The following IRAG1 variants were observed in gnomAD, a reference collection of about 807,000 sequenced individuals.
IRAG1 encodes IP3R-associated cGMP kinase substrate.
A neutral mutation model predicts 106.2 loss-of-function variants in IRAG1; 62 were observed. That is an observed-to-expected ratio of 0.58 (90% CI 0.48 to 0.72). IRAG1 has a LOEUF of 0.72. Among genes scored for constraint, IRAG1 ranks in the 30% least tolerant of loss-of-function variants. IRAG1 has a pLI of 0.00. For synonymous variants in IRAG1, 462 were observed against 443.9 expected (o/e 1.04, Z -0.51); for missense variants, 1,064 against 1,140.7 (o/e 0.93, Z 0.97).
chr11:10,593,263 G>A (rs1852882859), intron 17 of IRAG1: 1 of 368,122 alleles, frequency 2.7e-6, no homozygotes, highest in East Asian at 5.1e-5. Flanking sequence ...TGCAAAGAAC[G>A]CTGAGCTGCC....
chr11:10,691,088 G>C (rs1176972962), intron 1 of IRAG1, among the ~76,000 whole-genome samples: 3 of 152,164 alleles, frequency 2.0e-5, no homozygotes, highest in Non-Finnish European at 4.4e-5. Context: ...GAGGAGGCAG[G>C]GTGAGAGAGG....
intron 10 of IRAG1, among the ~76,000 whole-genome samples, chr11:10,622,707 G>A (rs747992210): frequency 1.4e-4 from 22 of 151,942 alleles, no homozygotes; most frequent in Admixed American, 4.6e-4. Flanking sequence ...GCTTCGTCAT[G>A]CTGCCCAGAC....
Position 10,629,519 on chromosome 11 carries a change from G to A in IRAG1, c.574+19C>T, listed in dbSNP as rs552512709. On this transcript the variant is annotated intron_variant, in intron 5 of 20. Coordinates refer to ENST00000423302, the MANE Select transcript of IRAG1 (RefSeq NM_130385.4). ...CTAGAGGGGCTCAGGGCAGCCACCTGTACATCCTGCCACCCTACCTGATGG... is the reference window on the plus strand; with the variant it reads ...CTAGAGGGGCTCAGGGCAGCCACCTATACATCCTGCCACCCTACCTGATGG... 146 of 1,608,316 alleles carry A rather than the reference G, an allele frequency of 9.1e-5. 3 individuals carry two copies. The South Asian group carries it at 1.4e-3, about 16-fold the overall frequency.
chr11:10,622,251 C>G (rs145310898), intron 10 of IRAG1, among the ~76,000 whole-genome samples: 2 of 152,076 alleles, frequency 1.3e-5, no homozygotes, highest in Non-Finnish European at 2.9e-5. Flanking sequence ...GAACAGGTAC[C>G]ATATGACTCA....
Position 10,609,852 on chromosome 11 carries a change from C to G in IRAG1, c.1448-1G>C. The G allele has an allele frequency of 6.2e-7, 1 of 1,607,924 alleles. No homozygotes were observed. The highest frequency in any genetic ancestry group is 2.2e-5 in the East Asian group (1 of 44,840). ...GCTGGGGAGAGTTCAGAAGGAAGCCCTGAAAAAAAAGTGCTTACTTATAAA... is the reference window on the plus strand; with the variant it reads ...GCTGGGGAGAGTTCAGAAGGAAGCCGTGAAAAAAAAGTGCTTACTTATAAA... On this transcript the variant is annotated splice_acceptor_variant, in intron 10 of 20. Coordinates refer to ENST00000423302, the MANE Select transcript of IRAG1 (RefSeq NM_130385.4). LOFTEE classifies it high-confidence loss of function.
intron 10 of IRAG1, among the ~76,000 whole-genome samples, chr11:10,622,875 G>GAACACACACACACACACACACA (rs1855938907): frequency 2.4e-5 from 1 of 42,020 alleles, no homozygotes; most frequent in Non-Finnish European, 4.9e-5. Context: ...TGTAAGCAGT[G>GAACACACACACACACACACACA]GACACACACA....
At chr11:10,658,350 T>A (rs1859098002) in intron 1 of IRAG1, 1 of 152,340 alleles carries the variant, frequency 6.6e-6, no homozygotes, top group Non-Finnish European at 1.5e-5. Flanking sequence ...TGGCCTCAGT[T>A]CCCTCATTTG....
At chr11:10,652,923 T>G (rs1240612400) in intron 1 of IRAG1, among the ~76,000 whole-genome samples, 1 of 152,150 alleles carries the variant, frequency 6.6e-6, no homozygotes, top group African/African-American at 2.4e-5. Flanking sequence ...CCATGTGCCC[T>G]GTGCCCACCC....
chr11:10,593,755 A>G, intron 16 of IRAG1, 156 bp from the exon 17 acceptor site: 1 of 626,336 alleles, frequency 1.6e-6, no homozygotes, highest in Non-Finnish European at 2.8e-6. Context: ...GTGTGGAGAG[A>G]GTGGCCAAAG....
At chr11:10,592,279 A>G (rs1448442584) in intron 17 of IRAG1, among the ~76,000 whole-genome samples, 6 of 152,200 alleles carry the variant, frequency 3.9e-5, no homozygotes. Context: ...TTTTTAATCT[A>G]TGGCCCTGAT....
chr11:10,579,020 A>C (rs57197678), intron 20 of IRAG1, among the ~76,000 whole-genome samples: 5,473 of 152,300 alleles, frequency 0.036, 151 homozygotes, highest in African/African-American at 0.074. Context: ...TCAGCAGAGA[A>C]CCCTCAGGAG....
Position 10,693,688 on chromosome 11 carries a change from G to C in IRAG1, c.-86C>G, listed in dbSNP as rs992429353. Reference sequence around the variant, plus strand: ...CCTCGGCCGCACGCCTCCTCTGAGAGGGGCTGGGACTTAGAGCCGAGAGCT... The same window carrying C: ...CCTCGGCCGCACGCCTCCTCTGAGACGGGCTGGGACTTAGAGCCGAGAGCT... On this transcript the variant is annotated 5_prime_UTR_variant, in exon 1 of 21. Coordinates refer to ENST00000423302, the MANE Select transcript of IRAG1 (RefSeq NM_130385.4). 1 of 1,460,472 alleles carries C rather than the reference G, an allele frequency of 6.8e-7. No homozygotes were observed. The allele number at this position is 1,460,472 out of a possible 1,614,324, so 90.5% of individuals were successfully genotyped here. A position where few individuals can be genotyped will look rare whatever the true frequency, so the allele number is the denominator to read the frequency against.
chr11:10,627,670 GC>G (rs778777525), intron 8 of IRAG1, 45 bp downstream of exon 8: 11 of 1,608,606 alleles, frequency 6.8e-6, no homozygotes, highest in Admixed American at 1.7e-5. Flanking sequence ...AGGAGACTGT[GC>G]CCCCCACACT....
At chr11:10,608,165 G>A (rs1300943314) in intron 11 of IRAG1, among the ~76,000 whole-genome samples, 2 of 152,032 alleles carry the variant, frequency 1.3e-5, no homozygotes, top group Non-Finnish European at 2.9e-5. Context: ...GCCCAGGCTG[G>A]AGTGCAGTGG....
intron 14 of IRAG1, 118 bp downstream of exon 14, chr11:10,603,002 T>C: frequency 8.6e-7 from 1 of 1,156,518 alleles, no homozygotes; most frequent in East Asian, 2.6e-5. Context: ...GTGCATAGGA[T>C]GCCTGGCCCA....
At position 10,627,746 on chromosome 11, in the gene IRAG1, G is replaced by T. The variant is rs35296427; in HGVS notation, c.720C>A (p.Ala240=). The part of the protein sequence containing the change: ...PGAPPQKGDE[A]DVSSPHPGEP... ...CGCCAGGGTGAGGTGAAGAGACGTC[G>T]GCCTCATCCCCCTTCTGCTGGAGAA... Residue 240 remains alanine (A), a synonymous_variant, in exon 8 of 21, where the codon GCC becomes GCA. Coordinates refer to ENST00000423302, the MANE Select transcript of IRAG1 (RefSeq NM_130385.4). 6.2e-7 allele frequency: 1 copy of T among 1,613,890 alleles called. No individual in the cohort carries two copies. The highest frequency in any genetic ancestry group is 8.5e-7 in the Non-Finnish European group (1 of 1,179,878).
chr11:10,632,046 G>A lies in IRAG1; in HGVS notation c.345C>T (p.His115=). The A allele has an allele frequency of 1.2e-6, 2 of 1,613,736 alleles. No individual in the cohort carries two copies. The highest frequency in any genetic ancestry group is 1.7e-6 in the Non-Finnish European group (2 of 1,179,696). The part of the protein sequence containing the change: ...KNLANRVHSP[H]KRLSHRHLKV... ...TCAAGTGTCGGTGAGAAAGCCTCTT[G>A]TGGGGACTGTGAACTCTGAAAGACA... is the stretch of plus-strand genomic sequence containing the variant. The change falls in exon 4 of 21, where the codon CAC becomes CAT. Residue 115 remains histidine, a synonymous_variant. Coordinates refer to ENST00000423302, the MANE Select transcript of IRAG1 (RefSeq NM_130385.4).
At chr11:10,645,190 C>CG (rs1857847318) in intron 2 of IRAG1, among the ~76,000 whole-genome samples, 1 of 152,134 alleles carries the variant, frequency 6.6e-6, no homozygotes, top group Non-Finnish European at 1.5e-5. Context: ...TCCTCGATTC[C>CG]ATATTTATTG....
chr11:10,658,769 C>A (rs1395683461), intron 1 of IRAG1, among the ~76,000 whole-genome samples: 1 of 125,502 alleles, frequency 8.0e-6, no homozygotes, highest in Non-Finnish European at 1.7e-5. Context: ...GTCCCAGGTC[C>A]GTGCTGTGCT....
Sources: allele counts gnomAD v4.1 joint callset (sites outside exome capture counted in the v4.1 genomes callset), GRCh38; gene constraint gnomAD v4.1.1; transcripts MANE v1.5; gene names NCBI Gene and HGNC (gene_info 2026-07-23, HGNC 2026-07-21).